The following PDLIM2 variants were observed in gnomAD, a reference collection of about 807,000 sequenced individuals.
PDLIM2 encodes the protein PDZ and LIM domain protein 2.
In PDLIM2, 51 loss-of-function variants were observed where a neutral mutation model predicts 54.1. The ratio of observed to expected loss-of-function variants is 0.94; its 90% confidence interval spans 0.75 to 1.19. The LOEUF (loss-of-function observed/expected upper bound fraction) is 1.19, where lower values mean the gene tolerates loss of function less well. PDLIM2 is among the 50% of genes most tolerant of loss of function. The pLI, the probability that PDLIM2 is intolerant of heterozygous loss-of-function variation, is 0.00. For missense variants in PDLIM2, 912 were observed against 874.0 expected (o/e 1.04, Z -0.55); for synonymous variants, 398 against 385.6 (o/e 1.03, Z -0.38).
In PDLIM2 at chr8:22,585,365, G is replaced by A. The variant is rs775929613; in HGVS notation, c.1256G>A (p.Arg419His). Residue 419 changes from arginine (R) to histidine (H), a missense_variant, in exon 6 of 10, where the codon CGC becomes CAC. Coordinates refer to ENST00000308354, the Ensembl canonical transcript of PDLIM2. ...TCCCCGGGCCTCCCCGCTGCTGACC[G>A]CCTGTCCTACTCAGGCCGCCCTGGA... 17 of 1,612,176 alleles carry A rather than the reference G, an allele frequency of 1.1e-5. No homozygotes were observed. The East Asian group carries it at 1.3e-4, about 13-fold the overall frequency.
In PDLIM2 at chr8:22,589,593, C is replaced by T. The variant is rs1185812384; in HGVS notation, c.1368-3C>T. On this transcript the variant is annotated splice_region_variant and splice_polypyrimidine_tract_variant and intron_variant, in intron 7 of 9. Coordinates refer to ENST00000308354, the Ensembl canonical transcript of PDLIM2. The stretch of plus-strand genomic sequence containing the variant: ...TCATTCCTGGCTGCCTCCCACCCTG[C>T]AGCATGGACTCGGAAGGGGGAAGCC... The T allele has an allele frequency of 5.6e-6, 9 of 1,601,656 alleles. No homozygotes were observed. Among genetic ancestry groups the T allele is most frequent in the Non-Finnish European group, 7.7e-6 (9 of 1,174,676 alleles).
intron 6 of PDLIM2, 117 bp downstream of exon 5, chr8:22,585,516 TCTC>T (rs1800349352): frequency 4.0e-6 from 4 of 996,006 alleles, no homozygotes; most frequent in Non-Finnish European, 6.0e-6. Flanking sequence ...ATGGCCTCCT[TCTC>T]CTGGCCACAG....
intron 6 of PDLIM2, 165 bp from the exon 6 acceptor site, chr8:22,589,133 G>A (rs1375987580): frequency 1.3e-5 from 7 of 553,476 alleles, no homozygotes; most frequent in African/African-American, 2.1e-5. Context: ...CGAGGGCTGG[G>A]AGCCCCCGAC....
intron 1 of PDLIM2, chr8:22,579,887 A>C: frequency 1.4e-5 from 3 of 220,506 alleles, no homozygotes; most frequent in Non-Finnish European, 2.7e-5. Context: ...AGCATCAGGA[A>C]TCTGGGGGTG....
chr8:22,591,458 A>G, intron 8 of PDLIM2, 93 bp from the exon 8 acceptor site: 1 of 1,112,226 alleles, frequency 9.0e-7, no homozygotes, highest in Non-Finnish European at 1.4e-6. Context: ...TTCTCTTATA[A>G]GGGTGCTTTC....
chr8:22,589,209 G>C (rs1035214875), intron 6 of PDLIM2, 89 bp from the exon 6 acceptor site: 1 of 1,417,696 alleles, frequency 7.1e-7, no homozygotes, highest in East Asian at 2.5e-5. Flanking sequence ...CCCTGGTGTC[G>C]GGCCTGGGAA....
At chr8:22,584,427 A>G (rs893759416) in intron 3 of PDLIM2, among the ~76,000 whole-genome samples, 6 of 149,830 alleles carry the variant, frequency 4.0e-5, no homozygotes, top group African/African-American at 9.9e-5. Flanking sequence ...TCCCACCTCA[A>G]CCTCCCAAGT....
chr8:22,584,061 G>A (rs1242514497), intron 3 of PDLIM2, among the ~76,000 whole-genome samples: 1 of 151,846 alleles, frequency 6.6e-6, no homozygotes, highest in Non-Finnish European at 1.5e-5. Flanking sequence ...GAGTGCAGTG[G>A]TACAATTTTG....
intron 8 of PDLIM2, chr8:22,590,485 G>T (rs1279203079): frequency 6.6e-6 from 1 of 152,278 alleles, no homozygotes; most frequent in Non-Finnish European, 1.5e-5. Context: ...AGCTCCCATG[G>T]AAGTGAGCGC....
chr8:22,593,127 G>C (rs1031151107), intron 9 of PDLIM2: 1 of 152,450 alleles, frequency 6.6e-6, no homozygotes, highest in East Asian at 1.9e-4. Context: ...GTCCACCTGG[G>C]ATCCTAGGCA....
intron 7 of PDLIM2, 61 bp from the exon 7 acceptor site, chr8:22,589,535 C>T (rs1380597837): frequency 1.3e-6 from 2 of 1,556,596 alleles, no homozygotes; most frequent in Non-Finnish European, 8.7e-7. Context: ...TGCCCCCCAC[C>T]CCCTTGCTTG....
chr8:22,587,525 C>A, intron 6 of PDLIM2, among the ~76,000 whole-genome samples: 1 of 152,272 alleles, frequency 6.6e-6, no homozygotes, highest in Non-Finnish European at 1.5e-5. Context: ...GCCCCACCCC[C>A]AGGAACATCC....
intron 1 of PDLIM2, chr8:22,580,054 G>C (rs1563856353): frequency 5.8e-6 from 1 of 172,510 alleles, no homozygotes; most frequent in African/African-American, 2.4e-5. Flanking sequence ...CACCCCACCA[G>C]TCCTTCACCT....
intron 3 of PDLIM2, 138 bp downstream of exon 2, chr8:22,581,668 A>G (rs1800210243): frequency 1.7e-6 from 2 of 1,211,446 alleles, no homozygotes; most frequent in Admixed American, 6.1e-5. Flanking sequence ...CACCTTGGTG[A>G]GAAGGTCCTG....
downstream of PDLIM2, chr8:22,597,733 A>ACGGC (rs1299758940): frequency 6.6e-6 from 1 of 152,120 alleles, no homozygotes; most frequent in Admixed American, 6.6e-5. Flanking sequence ...GGGCTCTGGC[A>ACGGC]CGGCCGGGGT....
At chr8:22,579,893 G>A in intron 1 of PDLIM2, 1 of 224,052 alleles carries the variant, frequency 4.5e-6, no homozygotes, top group South Asian at 1.4e-4. Flanking sequence ...AGGAATCTGG[G>A]GGTGGGTGTG....
intron 9 of PDLIM2, chr8:22,591,899 C>T: frequency 2.2e-6 from 1 of 453,818 alleles, no homozygotes; most frequent in East Asian, 3.8e-5. Flanking sequence ...TCCTCCTTTT[C>T]CCATCCCTTT....
In PDLIM2 at chr8:22,591,695, T is replaced by C. The variant is rs1405312473; in HGVS notation, c.1631+27T>C. ...TGAGTGTGGAGGGGGGTGGGGGACC[T>C]GAGCCTTCACAGGGGAGTGGGGAGG... On this transcript the variant is annotated intron_variant, in intron 9 of 9. Transcript: ENST00000308354. The C allele has an allele frequency of 1.9e-6, 3 of 1,581,552 alleles. No individual in the cohort carries two copies. The East Asian group carries it at 6.7e-5, about 36-fold the overall frequency.
chr8:22,585,147 C>G (rs150252291), exon 5 of PDLIM2: 83 of 1,613,240 alleles, frequency 5.1e-5, no homozygotes, highest in Non-Finnish European at 6.5e-5. Context: ...ACTGGAGAGG[C>G]AGCCATCAGC....
Sources: gnomAD v4.1 joint callset for allele counts (sites outside exome capture counted in the v4.1 genomes callset) on GRCh38, gnomAD v4.1.1 for gene constraint, MANE v1.5 for transcripts, NCBI Gene and HGNC (gene_info 2026-07-23, HGNC 2026-07-21) for gene names.